Variants in ADGRL3 observed in about 807,000 individuals in gnomAD.
ADGRL3 encodes adhesion G protein-coupled receptor L3, also known as calcium-independent alpha-latrotoxin receptor 3.
Under a neutral mutation model 153.5 loss-of-function variants are expected in ADGRL3, and 62 were observed. The ratio of observed to expected loss-of-function variants is 0.40; its 90% CI spans 0.33 to 0.50. ADGRL3 has a LOEUF of 0.50. Among genes scored for constraint, ADGRL3 ranks in the 20% least tolerant of loss-of-function variants. The pLI is 0.47. For synonymous variants in ADGRL3, 710 were observed against 672.5 expected (o/e 1.06, Z -0.86); for missense variants, 1,641 against 1,859.4 (o/e 0.88, Z 2.16).
At chr4:61,442,405 G>T (rs1350504762) in intron 2 of ADGRL3, among the ~76,000 whole-genome samples, 1 of 152,154 alleles carries the variant, frequency 6.6e-6, no homozygotes, top group Non-Finnish European at 1.5e-5. Context: ...GCTGGAATAT[G>T]TAAAAGGGAG....
intron 1 of ADGRL3, among the ~76,000 whole-genome samples, chr4:61,284,149 A>G (rs2093832528): frequency 6.6e-6 from 1 of 151,980 alleles, no homozygotes; most frequent in Non-Finnish European, 1.5e-5. Context: ...TCTTAACTCC[A>G]GATACCTTAC....
intron 2 of ADGRL3, among the ~76,000 whole-genome samples, chr4:61,446,286 T>C (rs2097581308): frequency 6.6e-6 from 1 of 152,220 alleles, no homozygotes; most frequent in African/African-American, 2.4e-5. Flanking sequence ...ATTCTCCCCT[T>C]CATTTCCACT....
intron 3 of ADGRL3, 127 bp from the exon 4 acceptor site, chr4:61,517,188 G>A (rs2098501689): frequency 3.2e-6 from 2 of 631,210 alleles, no homozygotes; most frequent in African/African-American, 1.8e-5. Context: ...TAGGGCCTGG[G>A]GTGGCTGGAG....
intron 19 of ADGRL3, among the ~76,000 whole-genome samples, chr4:61,990,952 CTGTGTGTGTGTGTG>C (rs34294452): frequency 9.1e-4 from 129 of 142,366 alleles, no homozygotes; most frequent in African/African-American, 1.9e-3. Context: ...ATGTTTGAAA[CTGTGTGTGTGTGTG>C]TGTGTGTGTG....
chr4:61,372,393 T>A (rs2151749470), intron 1 of ADGRL3, among the ~76,000 whole-genome samples: 1 of 151,984 alleles, frequency 6.6e-6, no homozygotes, highest in Non-Finnish European at 1.5e-5. Flanking sequence ...GATGGTGATG[T>A]ACAGATGGGT....
At chr4:61,635,819 C>T (rs568991543) in intron 5 of ADGRL3, among the ~76,000 whole-genome samples, 49 of 152,094 alleles carry the variant, frequency 3.2e-4, no homozygotes, top group African/African-American at 1.2e-3. Context: ...ATTGCCATCT[C>T]CTCCTTGTGT....
At chr4:61,626,637 C>T (rs766487191) in intron 5 of ADGRL3, among the ~76,000 whole-genome samples, 1 of 151,892 alleles carries the variant, frequency 6.6e-6, no homozygotes, top group African/African-American at 2.4e-5. Context: ...TCTATTATAA[C>T]TTTATGAAGG....
intron 5 of ADGRL3, among the ~76,000 whole-genome samples, chr4:61,606,692 G>A (rs2099033739): frequency 6.6e-6 from 1 of 152,148 alleles, no homozygotes; most frequent in Non-Finnish European, 1.5e-5. Flanking sequence ...GGGGCAGGGA[G>A]AGGGGACAAT....
intron 11 of ADGRL3, among the ~76,000 whole-genome samples, chr4:61,907,084 G>A (rs2098699303): frequency 6.6e-6 from 1 of 152,090 alleles, no homozygotes; most frequent in Non-Finnish European, 1.5e-5. Flanking sequence ...AAGGGGTTCA[G>A]ATCCAGACCC....
At chr4:61,483,396 T>C (rs1344623571) in intron 2 of ADGRL3, among the ~76,000 whole-genome samples, 18 of 152,208 alleles carry the variant, frequency 1.2e-4, no homozygotes, top group Admixed American at 1.2e-3. Context: ...TAAATAATGA[T>C]AGCACTCAAT....
At chr4:61,614,238 A>G (rs1051837174) in intron 5 of ADGRL3, among the ~76,000 whole-genome samples, 1 of 152,212 alleles carries the variant, frequency 6.6e-6, no homozygotes, top group Non-Finnish European at 1.5e-5. Context: ...CACTAATAGC[A>G]TTATGCATGC....
chr4:61,516,621 A>G (rs1393238108), intron 3 of ADGRL3, among the ~76,000 whole-genome samples: 1 of 152,104 alleles, frequency 6.6e-6, no homozygotes, highest in Admixed American at 6.6e-5. Context: ...TTGGTCTTTC[A>G]TATTTACTCA....
intron 18 of ADGRL3, among the ~76,000 whole-genome samples, chr4:61,981,802 G>A (rs1055453722): frequency 1.3e-5 from 2 of 152,128 alleles, no homozygotes; most frequent in African/African-American, 2.4e-5. Context: ...TCTGGTATGT[G>A]TCCATATGTA....
intron 13 of ADGRL3, among the ~76,000 whole-genome samples, chr4:61,924,013 G>T (rs1369694085): frequency 6.6e-6 from 1 of 151,980 alleles, no homozygotes; most frequent in East Asian, 1.9e-4. Context: ...TTCAACATTT[G>T]CCGTTGTCAA....
At chr4:61,879,114 A>G (rs1181116622) in intron 9 of ADGRL3, among the ~76,000 whole-genome samples, 3 of 152,190 alleles carry the variant, frequency 2.0e-5, no homozygotes, top group South Asian at 2.1e-4. Context: ...AACTCTCCTG[A>G]AACAGAGTTG....
intron 24 of ADGRL3, among the ~76,000 whole-genome samples, chr4:62,044,082 TA>T (rs1729791684): frequency 6.6e-6 from 1 of 152,062 alleles, no homozygotes; most frequent in African/African-American, 2.4e-5. Flanking sequence ...CCCATTCCAA[TA>T]AAAGTTATAG....
chr4:61,387,589 G>A (rs1032672495), intron 2 of ADGRL3, among the ~76,000 whole-genome samples: 5 of 152,022 alleles, frequency 3.3e-5, no homozygotes, highest in Non-Finnish European at 5.9e-5. Flanking sequence ...AGAATTCAGC[G>A]ATATTTCTCC....
chr4:61,419,852 T>C (rs1333293597), intron 2 of ADGRL3, among the ~76,000 whole-genome samples: 1 of 151,854 alleles, frequency 6.6e-6, no homozygotes, highest in Non-Finnish European at 1.5e-5. Flanking sequence ...TGGACAGCAA[T>C]GGTGCAATGT....
intron 1 of ADGRL3, among the ~76,000 whole-genome samples, chr4:61,348,730 C>A (rs886185471): frequency 5.3e-5 from 8 of 151,978 alleles, no homozygotes; most frequent in Non-Finnish European, 1.2e-4. Context: ...TAAATCATGA[C>A]TATACCACTT....
Sources: gnomAD v4.1 joint callset for allele counts (sites outside exome capture counted in the v4.1 genomes callset) on GRCh38, gnomAD v4.1.1 for gene constraint, MANE v1.5 for transcripts, NCBI Gene and HGNC (gene_info 2026-07-23, HGNC 2026-07-21) for gene names.